COX10: variants seen among roughly 807,000 people sequenced by gnomAD.
COX10 encodes the protein protoheme IX farnesyltransferase, mitochondrial.
A neutral mutation model predicts 37.3 loss-of-function variants in COX10; 27 were observed. That is an observed-to-expected ratio of 0.72 (90% CI 0.53 to 1.00). The LOEUF is 1.00. Among genes scored for constraint, COX10 ranks in the 50% least tolerant of loss-of-function variants. COX10 has a pLI of 0.00. For missense variants in COX10, 475 were observed against 563.2 expected (o/e 0.84, Z 1.59); for synonymous variants, 222 against 229.1 (o/e 0.97, Z 0.28).
chr17:14,106,057 A>G (rs1915887718), intron 4 of COX10, among the ~76,000 whole-genome samples: 1 of 151,910 alleles, frequency 6.6e-6, no homozygotes, highest in African/African-American at 2.4e-5. Flanking sequence ...CTTGTCACTC[A>G]GGCTGGCATG....
chr17:14,199,229 C>T (rs1417823968), intron 6 of COX10, among the ~76,000 whole-genome samples: 1 of 152,130 alleles, frequency 6.6e-6, no homozygotes, highest in African/African-American at 2.4e-5. Context: ...GGGAGCTGGG[C>T]CAGTGCCTTC....
At chr17:14,074,013 C>T (rs1426888794) in intron 1 of COX10, among the ~76,000 whole-genome samples, 2 of 151,852 alleles carry the variant, frequency 1.3e-5, no homozygotes, top group Middle Eastern at 3.2e-3. Flanking sequence ...ATTGACTGAA[C>T]GGGTTGTTTT....
chr17:14,121,375 C>T (rs747861379), intron 4 of COX10, among the ~76,000 whole-genome samples: 10 of 152,298 alleles, frequency 6.6e-5, no homozygotes, highest in East Asian at 3.9e-4. Flanking sequence ...TAATATCCTA[C>T]GCTGTTGCTG....
chr17:14,110,178 A>G (rs1357229288), intron 4 of COX10, among the ~76,000 whole-genome samples: 2 of 152,102 alleles, frequency 1.3e-5, no homozygotes, highest in African/African-American at 4.8e-5. Context: ...AGAAGGAAAC[A>G]TGTTTATTTT....
Position 14,206,910 on chromosome 17 carries a change from C to A in COX10, c.1029C>A (p.Cys343Ter). ...AAGACTACTCCCGGGGCGGCTACTGCATGATGTCGGTCACCCACCCGGGCC... is the reference window on the plus strand; with the variant it reads ...AAGACTACTCCCGGGGCGGCTACTGAATGATGTCGGTCACCCACCCGGGCC... Reference protein sequence around the residue: ...LREDYSRGGYCMMSVTHPGLC... With the variant: ...LREDYSRGGY The change falls in exon 7 of 7, where the codon TGC becomes TGA. Residue 343 changes from cysteine (C) to a stop codon, truncating the protein, a stop_gained. Coordinates refer to ENST00000261643, the MANE Select transcript of COX10 (RefSeq NM_001303.4). LOFTEE classifies it high-confidence loss of function. 1 of 1,613,926 alleles carries A rather than the reference C, an allele frequency of 6.2e-7. No homozygotes were observed. Among genetic ancestry groups the A allele is most frequent in the Non-Finnish European group, 8.5e-7 (1 of 1,179,930 alleles).
chr17:14,073,655 GA>G (rs1394413657), intron 1 of COX10, among the ~76,000 whole-genome samples: 2 of 152,210 alleles, frequency 1.3e-5, no homozygotes, highest in African/African-American at 4.8e-5. Context: ...CTGAGAAATA[GA>G]ATGCAGAGAA....
chr17:14,081,552 C>G (rs1248355316), intron 3 of COX10, among the ~76,000 whole-genome samples: 1 of 152,154 alleles, frequency 6.6e-6, no homozygotes, highest in Non-Finnish European at 1.5e-5. Context: ...CTGTGAGAGT[C>G]AGATTCTAAA....
rs1915829295 is a variant in COX10 at position 14,103,377 on chromosome 17, T to C, written c.624+1135T>C. Among the ~76,000 whole-genome samples the C allele has an allele frequency of 3.3e-5, 5 of 152,206 alleles. No individual in the cohort carries two copies. The South Asian group carries it at 1.0e-3, about 31-fold the overall frequency. On this transcript the variant is annotated intron_variant, in intron 4 of 6. Transcript: ENST00000261643. ...GGGTCTATTTTTTATTTTTAAAAGT[T>C]ACTACCTCTATTTGGTTATACATCT...
rs1906779299 is a variant in COX10 at position 14,208,612 on chromosome 17, A to C, written c.*1399A>C. On this transcript the variant is annotated 3_prime_UTR_variant, in exon 7 of 7. Coordinates refer to ENST00000261643, the MANE Select transcript of COX10 (RefSeq NM_001303.4). The stretch of plus-strand genomic sequence containing the variant: ...CTGGAAAAAGCCTCTACAACTTGTT[A>C]CAGCCTTCACATTTGTACAATTCAT... 1 of 152,222 alleles carries C rather than the reference A, an allele frequency of 6.6e-6. No individual in the cohort carries two copies. The allele number at this position is 152,222 out of a possible 1,614,324, so 9.4% of individuals were successfully genotyped here.
chr17:14,142,796 C>T (rs1247211438), intron 4 of COX10, among the ~76,000 whole-genome samples: 1 of 152,114 alleles, frequency 6.6e-6, no homozygotes, highest in Non-Finnish European at 1.5e-5. Flanking sequence ...TTATCTTTTT[C>T]ATTCTTTATG....
chr17:14,136,576 T>G (rs62055189), intron 4 of COX10, among the ~76,000 whole-genome samples: 19,711 of 152,020 alleles, frequency 0.13, 1,635 homozygotes, highest in Non-Finnish European at 0.19. Flanking sequence ...AATCCTGTAC[T>G]TATTTGTTTC....
chr17:14,187,709 A>T (rs1906075220), intron 5 of COX10, among the ~76,000 whole-genome samples: 1 of 152,218 alleles, frequency 6.6e-6, no homozygotes, highest in Admixed American at 6.5e-5. Context: ...CACAGTTTGC[A>T]TTTGGAGTAC....
chr17:14,069,699 C>T (rs1914966810), intron 1 of COX10, 51 bp downstream of exon 1: 1 of 1,610,258 alleles, frequency 6.2e-7, no homozygotes, highest in Non-Finnish European at 8.5e-7. Context: ...TCTCTTATTA[C>T]CACGTGCGAG....
intron 6 of COX10, among the ~76,000 whole-genome samples, chr17:14,198,278 G>A (rs1389280743): frequency 6.6e-6 from 1 of 152,308 alleles, no homozygotes; most frequent in East Asian, 1.9e-4. Flanking sequence ...GGAGCCACAC[G>A]CATTAGGCCT....
intron 5 of COX10, among the ~76,000 whole-genome samples, chr17:14,184,392 G>C (rs1234747306): frequency 6.6e-6 from 1 of 152,114 alleles, no homozygotes; most frequent in East Asian, 1.9e-4. Context: ...CCAGAATATA[G>C]CACTAATAAT....
At chr17:14,101,968 A>G in intron 3 of COX10, 150 bp from the exon 4 acceptor site, 3 of 919,742 alleles carry the variant, frequency 3.3e-6, no homozygotes, top group Non-Finnish European at 5.1e-6. Flanking sequence ...AAAAATGTGG[A>G]TCTTTTTTAA....
chr17:14,134,730 G>A (rs1358247457), intron 4 of COX10, among the ~76,000 whole-genome samples: 2 of 150,816 alleles, frequency 1.3e-5, no homozygotes, highest in Admixed American at 6.6e-5. Context: ...TGCCTTTTAA[G>A]GTAGTAGTTT....
At chr17:14,184,401 A>T (rs924022111) in intron 5 of COX10, among the ~76,000 whole-genome samples, 1 of 152,238 alleles carries the variant, frequency 6.6e-6, no homozygotes, top group Non-Finnish European at 1.5e-5. Context: ...AGCACTAATA[A>T]TAAAAAGTAT....
At chr17:14,196,036 C>T (rs946035291) in intron 6 of COX10, among the ~76,000 whole-genome samples, 1 of 151,952 alleles carries the variant, frequency 6.6e-6, no homozygotes, top group Non-Finnish European at 1.5e-5. Context: ...TATAAAGAGC[C>T]CTTCTGAGAA....
Sources: allele counts gnomAD v4.1 joint callset (sites outside exome capture counted in the v4.1 genomes callset), GRCh38; gene constraint gnomAD v4.1.1; transcripts MANE v1.5; gene names NCBI Gene and HGNC (gene_info 2026-07-23, HGNC 2026-07-21).